FMO2: variants seen among roughly 807,000 people sequenced by gnomAD.
FMO2 encodes the protein flavin containing dimethylaniline monoxygenase 2, also known as flavin-containing monooxygenase 2.
FMO2 carries 33 observed loss-of-function variants against 41.6 expected under a neutral mutation model. That is an observed-to-expected ratio of 0.79 (90% CI 0.60 to 1.06). The LOEUF (loss-of-function observed/expected upper bound fraction) is 1.06, where lower values mean the gene tolerates loss of function less well. Ranked by LOEUF, FMO2 falls within the 50% of genes least tolerant of loss-of-function variation. FMO2 has a pLI of 0.00. For synonymous variants in FMO2, 214 were observed against 219.6 expected, an observed-to-expected ratio of 0.97 and a Z score of 0.23; for missense variants, 619 against 632.9, an observed-to-expected ratio of 0.98 and a Z score of 0.23.
At chr1:171,199,027 C>T (rs7539639) in intron 4 of FMO2, among the ~76,000 whole-genome samples, 20,878 of 151,952 alleles carry the variant, frequency 0.14, 1,508 homozygotes, top group South Asian at 0.15. Context: ...CTCAGTCACC[C>T]GAGTAGCTGG....
intron 5 of FMO2, among the ~76,000 whole-genome samples, chr1:171,203,134 G>C (rs1658601757): frequency 1.3e-5 from 2 of 152,038 alleles, no homozygotes; most frequent in Admixed American, 6.6e-5. Flanking sequence ...CTTAAGCCCA[G>C]AAATTTGAGA....
intron 2 of FMO2, among the ~76,000 whole-genome samples, chr1:171,189,797 A>G (rs2101980997): frequency 6.6e-6 from 1 of 151,902 alleles, no homozygotes; most frequent in South Asian, 2.1e-4. Context: ...GCCACCACAC[A>G]TCTGGACCCA....
chr1:171,211,708 T>C lies in FMO2; in HGVS notation c.*2563T>C, dbSNP rs1037626803. 6.6e-6 allele frequency among the ~76,000 whole-genome samples: 1 copy of C among 152,196 alleles called. No homozygotes were observed. The highest frequency in any genetic ancestry group is 2.4e-5 in the African/African-American group (1 of 41,454). ...TCATCAGTCTATCCTTCTGCCTCCA[T>C]ATATCCTGAACATCAAACTATCCCA... is the stretch of plus-strand genomic sequence containing the variant. On this transcript the variant is annotated 3_prime_UTR_variant, in exon 9 of 9. Transcript: ENST00000209929.
intron 2 of FMO2, among the ~76,000 whole-genome samples, chr1:171,189,451 A>T (rs1451666491): frequency 6.6e-6 from 1 of 152,032 alleles, no homozygotes; most frequent in Non-Finnish European, 1.5e-5. Flanking sequence ...AAGCAGCAGA[A>T]AAAAAGTGGT....
chr1:171,203,714 T>C (rs980648515), intron 5 of FMO2, 151 bp from the exon 6 acceptor site: 6 of 664,348 alleles, frequency 9.0e-6, no homozygotes, highest in Non-Finnish European at 1.5e-5. Flanking sequence ...GGTACCCCTA[T>C]TTAGGAGGTA....
At chr1:171,193,036 G>T (rs1238234480) in intron 2 of FMO2, among the ~76,000 whole-genome samples, 1 of 152,102 alleles carries the variant, frequency 6.6e-6, no homozygotes, top group African/African-American at 2.4e-5. Flanking sequence ...GCATTAAATA[G>T]GTAGAGACCT....
chr1:171,207,143 A>G (rs1295684602), intron 7 of FMO2, among the ~76,000 whole-genome samples: 3 of 152,166 alleles, frequency 2.0e-5, no homozygotes, highest in Non-Finnish European at 4.4e-5. Flanking sequence ...ATATTTCAAC[A>G]CATCCAAAGC....
intron 3 of FMO2, among the ~76,000 whole-genome samples, chr1:171,196,226 G>A (rs1190023649): frequency 6.6e-6 from 1 of 152,206 alleles, no homozygotes; most frequent in Non-Finnish European, 1.5e-5. Flanking sequence ...TTACATAATT[G>A]TTTTGAAATA....
chr1:171,196,960 A>C, intron 4 of FMO2, 149 bp downstream of exon 4: 1 of 654,284 alleles, frequency 1.5e-6, no homozygotes, highest in Non-Finnish European at 2.6e-6. Flanking sequence ...AAAGACACCA[A>C]ACATCATCTT....
chr1:171,203,605 T>A (rs1461132457), intron 5 of FMO2, among the ~76,000 whole-genome samples: 1 of 152,174 alleles, frequency 6.6e-6, no homozygotes, highest in Non-Finnish European at 1.5e-5. Flanking sequence ...GAAAGACTTG[T>A]GGATTTTATC....
In FMO2 at chr1:171,209,135, A is replaced by G; in HGVS notation, c.1598A>G (p.Gln533Arg). The change falls in exon 9 of 9, where the codon CAA becomes CGA. Residue 533 changes from glutamine (Q) to arginine (R), a missense_variant. By Grantham distance (43) the Gln-to-Arg change is conservative (BLOSUM62 1). Coordinates refer to ENST00000209929, the MANE Select transcript of FMO2 (RefSeq NM_001460.5). ...GTTGTGGCCTTTTTTTGCCAACTTC[A>G]ATGGTCCTAGTCAGCATAATGCTTT... is the stretch of plus-strand genomic sequence containing the variant. ...AVVVAFFCQL[Q>R]WS is the part of the protein sequence containing the mutation. 1 of 611,376 alleles carries G rather than the reference A, an allele frequency of 1.6e-6. No individual in the cohort carries two copies. Among genetic ancestry groups the G allele is most frequent in the Non-Finnish European group, 2.8e-6 (1 of 351,270 alleles). 37.9% of individuals were successfully genotyped at this position (611,376 alleles called of 1,614,324 possible).
At chr1:171,186,785 A>G (rs535367232) in intron 2 of FMO2, among the ~76,000 whole-genome samples, 2 of 152,216 alleles carry the variant, frequency 1.3e-5, no homozygotes, top group African/African-American at 2.4e-5. Flanking sequence ...ATAAGGAGTT[A>G]CAATTATTCC....
intron 3 of FMO2, among the ~76,000 whole-genome samples, chr1:171,195,204 T>A (rs1161812388): frequency 1.3e-5 from 2 of 152,180 alleles, no homozygotes; most frequent in African/African-American, 2.4e-5. Context: ...TCTGAGTTGG[T>A]GTAAGTCATA....
chr1:171,199,739 C>A (rs1324157278), intron 5 of FMO2, among the ~76,000 whole-genome samples: 4 of 152,112 alleles, frequency 2.6e-5, no homozygotes, highest in African/African-American at 9.7e-5. Context: ...AAAATGGGAA[C>A]TTTTGACCAG....
rs2020862 is a variant in FMO2, at chr1:171,199,445, C to T, written c.584C>T (p.Ser195Leu). Reference sequence around the variant, plus strand: ...ATCCTGGTGATTGGAATGGGAAACTCAGGCTCAGATATTGCTGTTGAGCTG... The same window carrying T: ...ATCCTGGTGATTGGAATGGGAAACTTAGGCTCAGATATTGCTGTTGAGCTG... ...KRILVIGMGNSGSDIAVELSK... is the reference protein window; with the variant it reads ...KRILVIGMGNLGSDIAVELSK... The change falls in exon 5 of 9, where the codon TCA (serine) becomes TTA (leucine). Residue 195 changes from serine to leucine, a missense_variant. Ser to Leu is a moderately radical substitution (Grantham distance 145). Transcript: ENST00000209929. The T allele has an allele frequency of 0.35, 567,117 of 1,610,546 alleles. 104,710 individuals carry two copies. Among genetic ancestry groups the T allele is most frequent in the East Asian group, 0.53 (23,769 of 44,650 alleles).
chr1:171,196,336 G>A (rs573050123), intron 3 of FMO2, among the ~76,000 whole-genome samples: 1 of 152,326 alleles, frequency 6.6e-6, no homozygotes, highest in Non-Finnish European at 1.5e-5. Flanking sequence ...GATTATGATG[G>A]TCTTTGTGTA....
intron 4 of FMO2, 88 bp downstream of exon 4, chr1:171,196,899 G>A: frequency 8.5e-7 from 1 of 1,171,970 alleles, no homozygotes; most frequent in Non-Finnish European, 1.2e-6. Context: ...ATTCATTGCT[G>A]CAACTGGGCA....
In FMO2 at chr1:171,205,460, T is replaced by G. The variant is rs761709760; in HGVS notation, c.1009T>G (p.Phe337Val). The stretch of plus-strand genomic sequence containing the variant: ...AACAGGATATAGTTTCTCTTTTCCC[T>G]TCCTTGAAGATTCACTCGTTAAAGT... The part of the protein sequence containing the change: ...FATGYSFSFP[F>V]LEDSLVKVEN... The change falls in exon 7 of 9, where the codon TTC becomes GTC. Residue 337 changes from phenylalanine to valine, a missense_variant. Transcript: ENST00000209929. 1.4e-5 allele frequency: 23 copies of G among 1,613,886 alleles called. 1 individual carries two copies. In the South Asian group the frequency reaches 2.1e-4, roughly 15 times the overall value.
intron 3 of FMO2, among the ~76,000 whole-genome samples, chr1:171,195,104 A>C (rs535607863): frequency 6.6e-6 from 1 of 152,272 alleles, no homozygotes; most frequent in East Asian, 1.9e-4. Flanking sequence ...AGTCGCAAGG[A>C]AGTCATTTCT....
Sources: gnomAD v4.1 joint callset for allele counts (sites outside exome capture counted in the v4.1 genomes callset) on GRCh38, gnomAD v4.1.1 for gene constraint, MANE v1.5 for transcripts, NCBI Gene and HGNC (gene_info 2026-07-23, HGNC 2026-07-21) for gene names.